Variants in CDH20 observed in about 807,000 individuals in gnomAD.
CDH20 encodes the protein cadherin 20, also known as cadherin-20.
CDH20 carries 29 observed loss-of-function variants against 74.2 expected under a neutral mutation model. That is an observed-to-expected ratio of 0.39 (90% CI 0.29 to 0.53). CDH20 has a LOEUF of 0.53. Ranked by LOEUF, CDH20 falls within the 20% of genes least tolerant of loss-of-function variation. The pLI is 0.69. For synonymous variants in CDH20, 469 were observed against 405.4 expected (o/e 1.16, Z -1.88); for missense variants, 988 against 1,048.3 (o/e 0.94, Z 0.79).
intron 6 of CDH20, among the ~76,000 whole-genome samples, chr18:61,509,674 C>T (rs996872767): frequency 6.6e-6 from 1 of 152,082 alleles, no homozygotes; most frequent in Non-Finnish European, 1.5e-5. Context: ...TGACATGACT[C>T]GGTTTTCATT....
chr18:61,343,752 C>T (rs1417033391), intron 1 of CDH20, among the ~76,000 whole-genome samples: 1 of 152,208 alleles, frequency 6.6e-6, no homozygotes, highest in East Asian at 1.9e-4. Context: ...CTTCAAGTAT[C>T]TGAAATATCT....
intron 6 of CDH20, among the ~76,000 whole-genome samples, chr18:61,518,047 C>T (rs1365483649): frequency 2.0e-5 from 3 of 152,150 alleles, no homozygotes; most frequent in African/African-American, 4.8e-5. Context: ...TGCAAAGCCA[C>T]GGTACCTAGA....
At chr18:61,449,002 G>T (rs1040603693) in intron 1 of CDH20, among the ~76,000 whole-genome samples, 1 of 152,078 alleles carries the variant, frequency 6.6e-6, no homozygotes, top group Non-Finnish European at 1.5e-5. Context: ...CCGACTCCAG[G>T]TACTTACAGA....
intron 7 of CDH20, 151 bp downstream of exon 7, chr18:61,528,371 T>G (rs1328363395): frequency 4.7e-5 from 38 of 806,180 alleles, no homozygotes; most frequent in Middle Eastern, 7.6e-4. Context: ...TTTTTTTTTT[T>G]TCCCTTAAAT....
At chr18:61,389,409 T>C (rs1246774896) in intron 1 of CDH20, among the ~76,000 whole-genome samples, 2 of 152,274 alleles carry the variant, frequency 1.3e-5, no homozygotes, top group East Asian at 3.9e-4. Flanking sequence ...GTTACAAATA[T>C]TACATACTGA....
At chr18:61,552,881 C>G (rs181770934) in intron 11 of CDH20, among the ~76,000 whole-genome samples, 52 of 152,296 alleles carry the variant, frequency 3.4e-4, no homozygotes, top group African/African-American at 1.2e-3. Flanking sequence ...CACACTCCAA[C>G]CTTTCAGGCT....
intron 9 of CDH20, among the ~76,000 whole-genome samples, chr18:61,542,826 A>G (rs1482047431): frequency 6.6e-6 from 1 of 152,196 alleles, no homozygotes; most frequent in Non-Finnish European, 1.5e-5. Flanking sequence ...GAGAGGAAGC[A>G]AGGCAGGAGG....
intron 1 of CDH20, among the ~76,000 whole-genome samples, chr18:61,472,896 C>A (rs1910235035): frequency 6.6e-6 from 1 of 152,166 alleles, no homozygotes; most frequent in African/African-American, 2.4e-5. Context: ...AATCTGAAAT[C>A]CCAGCCAGTT....
rs1201039227 is a variant in CDH20, at chr18:61,554,959, T to TG, written c.*266dup. The TG allele has an allele frequency of 5.3e-6, 7 of 1,323,992 alleles. No individual in the cohort carries two copies. The highest frequency in any genetic ancestry group is 6.8e-6 in the Non-Finnish European group (7 of 1,036,510). 82.0% of individuals were successfully genotyped at this position (1,323,992 alleles called of 1,614,324 possible). The stretch of plus-strand genomic sequence containing the variant: ...TTTTCTGACACTGTGTGCGAAGGCT[T>TG]GGAGTCCAAGGTGTTCTGACAAGGG... On this transcript the variant is annotated 3_prime_UTR_variant, in exon 12 of 12. Transcript: ENST00000262717.
chr18:61,508,086 T>G (rs1417407136), intron 6 of CDH20, among the ~76,000 whole-genome samples: 1 of 152,212 alleles, frequency 6.6e-6, no homozygotes, highest in Non-Finnish European at 1.5e-5. Flanking sequence ...TTCCTTTGTT[T>G]TATAAGGTAC....
In CDH20 at chr18:61,550,123, T is replaced by C. The variant is rs372551699; in HGVS notation, c.1794T>C (p.Asp598=). The C allele has an allele frequency of 3.1e-5, 50 of 1,614,108 alleles. No individual in the cohort carries two copies. The highest frequency in any genetic ancestry group is 3.9e-5 in the Non-Finnish European group (46 of 1,180,050). ...TGACCATCCAAGTGTGCAGCTGTGA[T>C]GACGACGGCCACGTCATGTCCTGCA... ...GTLTIQVCSC[D]DDGHVMSCSP... is the part of the protein sequence containing the mutation. Residue 598 remains aspartate (D), a synonymous_variant, in exon 11 of 12, where the codon GAT becomes GAC. Coordinates refer to ENST00000262717, the MANE Select transcript of CDH20 (RefSeq NM_031891.4).
At chr18:61,454,796 T>C (rs7230014) in intron 1 of CDH20, among the ~76,000 whole-genome samples, 4,996 of 152,322 alleles carry the variant, frequency 0.033, 282 homozygotes, top group African/African-American at 0.11. Flanking sequence ...AGACATTCTA[T>C]GTGAACAATG....
At chr18:61,504,554 T>C (rs1911492369) in intron 5 of CDH20, among the ~76,000 whole-genome samples, 1 of 151,688 alleles carries the variant, frequency 6.6e-6, no homozygotes, top group Non-Finnish European at 1.5e-5. Context: ...TTAAGGAAAG[T>C]GGAAATATAG....
chr18:61,443,565 C>T (rs534573145), intron 1 of CDH20, among the ~76,000 whole-genome samples: 27 of 152,234 alleles, frequency 1.8e-4, no homozygotes, highest in Admixed American at 1.6e-3. Flanking sequence ...GCCCTCGGAC[C>T]AGCACCTGTC....
In CDH20 at chr18:61,462,771, T is replaced by C. The variant is rs1444434320; in HGVS notation, c.-152-27631T>C. ...ATGTCAATGGTGGCAGCACCAATAATAAGGGCTAATAACTCAAGATCCTTG... is the reference window on the plus strand; with the variant it reads ...ATGTCAATGGTGGCAGCACCAATAACAAGGGCTAATAACTCAAGATCCTTG... On this transcript the variant is annotated intron_variant, in intron 1 of 11. Coordinates refer to ENST00000262717, the MANE Select transcript of CDH20 (RefSeq NM_031891.4). 3.4e-5 allele frequency among the ~76,000 whole-genome samples: 5 copies of C among 145,804 alleles called. No individual in the cohort carries two copies. The East Asian group carries it at 8.0e-4, about 23-fold the overall frequency.
chr18:61,412,875 G>A lies in CDH20; in HGVS notation c.-152-77527G>A, dbSNP rs146944263. Among the ~76,000 whole-genome samples the A allele has an allele frequency of 3.8e-3, 584 of 152,276 alleles. 2 individuals are homozygous for A. The highest frequency in any genetic ancestry group is 6.1e-3 in the Non-Finnish European group (415 of 68,006). ...ATACTCCAAGGAAGGATACACACAA[G>A]TATGTGAACAATGGATCTCTCTGGG... On this transcript the variant is annotated intron_variant, in intron 1 of 11. Coordinates refer to ENST00000262717, the MANE Select transcript of CDH20 (RefSeq NM_031891.4).
rs1910398748 is a variant in CDH20, at chr18:61,353,899, T to A, written c.-153+20072T>A. Among the ~76,000 whole-genome samples the A allele has an allele frequency of 6.6e-6, 1 of 151,932 alleles. No individual in the cohort carries two copies. Among genetic ancestry groups the A allele is most frequent in the Non-Finnish European group, 1.5e-5 (1 of 67,966 alleles). Reference sequence around the variant, plus strand: ...TAGTTCATAACCAGCCTGGGCAACATAGCAAAACCCCATCTCTACCAAAAA... The same window carrying A: ...TAGTTCATAACCAGCCTGGGCAACAAAGCAAAACCCCATCTCTACCAAAAA... On this transcript the variant is annotated intron_variant, in intron 1 of 11. Coordinates refer to ENST00000262717, the MANE Select transcript of CDH20 (RefSeq NM_031891.4). The surrounding 1 kb of genome is among the most constrained non-coding windows in gnomAD (Gnocchi z 4.6).
At chr18:61,376,353 C>T (rs903666409) in intron 1 of CDH20, among the ~76,000 whole-genome samples, 1 of 151,984 alleles carries the variant, frequency 6.6e-6, no homozygotes, top group Non-Finnish European at 1.5e-5. Context: ...CAAAATTTAC[C>T]TATCTTGCTA....
chr18:61,442,696 G>A (rs886984218), intron 1 of CDH20, among the ~76,000 whole-genome samples: 2 of 152,178 alleles, frequency 1.3e-5, no homozygotes, highest in African/African-American at 4.8e-5. Flanking sequence ...GTAAGGATTA[G>A]AGGGAGCAGT....
Sources: allele counts gnomAD v4.1 joint callset (sites outside exome capture counted in the v4.1 genomes callset), GRCh38; gene constraint gnomAD v4.1.1; non-coding constraint Gnocchi (gnomAD v3.1); transcripts MANE v1.5; gene names NCBI Gene and HGNC (gene_info 2026-07-23, HGNC 2026-07-21).